Variants in DPP10 observed in about 807,000 individuals in gnomAD.
DPP10 encodes dipeptidyl peptidase like 10.
Under a neutral mutation model 120.9 loss-of-function variants are expected in DPP10, and 33 were observed. The observed-to-expected ratio is 0.27, with a 90% CI of 0.21 to 0.37. DPP10 has a LOEUF of 0.37. Among genes scored for constraint, DPP10 ranks in the 10% least tolerant of loss-of-function variants. The pLI is 1.00. For missense variants in DPP10, 816 were observed against 942.8 expected, an observed-to-expected ratio of 0.87 and a Z score of 1.76; for synonymous variants, 337 against 326.1, an observed-to-expected ratio of 1.03 and a Z score of -0.36.
intron 1 of DPP10, among the ~76,000 whole-genome samples, chr2:115,049,790 C>G (rs1705330411): frequency 6.6e-6 from 1 of 152,120 alleles, no homozygotes; most frequent in Non-Finnish European, 1.5e-5. Context: ...CTCATGGTTC[C>G]CTTTTCTGAC....
chr2:115,269,807 A>G (rs2105802394), intron 1 of DPP10, among the ~76,000 whole-genome samples: 1 of 152,260 alleles, frequency 6.6e-6, no homozygotes. Context: ...AAGGGCATAA[A>G]TACCAGAAAG....
chr2:114,966,139 T>C (rs1035887739), intron 1 of DPP10, among the ~76,000 whole-genome samples: 4 of 152,080 alleles, frequency 2.6e-5, no homozygotes, highest in Non-Finnish European at 5.9e-5. Flanking sequence ...TGTCAAATGC[T>C]TATGATTCAG....
At chr2:115,251,605 GAATT>G (rs1243681877) in intron 1 of DPP10, among the ~76,000 whole-genome samples, 2 of 152,086 alleles carry the variant, frequency 1.3e-5, no homozygotes, top group Non-Finnish European at 2.9e-5. Flanking sequence ...AAAAACGAAA[GAATT>G]ACTTATTAGG....
intron 1 of DPP10, among the ~76,000 whole-genome samples, chr2:114,453,874 G>A (rs1246892003): frequency 6.6e-6 from 1 of 152,106 alleles, no homozygotes; most frequent in East Asian, 1.9e-4. Context: ...AATGTTAGTT[G>A]GATATACAAT....
chr2:115,374,164 C>A (rs2065617421), intron 3 of DPP10, among the ~76,000 whole-genome samples: 1 of 152,104 alleles, frequency 6.6e-6, no homozygotes, highest in South Asian at 2.1e-4. Flanking sequence ...TCCAAACAAT[C>A]CCCCAGTGTC....
chr2:115,048,477 G>A (rs577003022), intron 1 of DPP10, among the ~76,000 whole-genome samples: 1 of 152,180 alleles, frequency 6.6e-6, no homozygotes, highest in African/African-American at 2.4e-5. Flanking sequence ...AGTAGCCAGA[G>A]TGATGTTTCT....
At chr2:114,542,851 G>T (rs1195043581) in intron 1 of DPP10, among the ~76,000 whole-genome samples, 1 of 152,112 alleles carries the variant, frequency 6.6e-6, no homozygotes, top group East Asian at 1.9e-4. Flanking sequence ...ATCAAGATTG[G>T]GATCTGCCTC....
At chr2:115,584,834 T>C (rs2082195496) in intron 5 of DPP10, among the ~76,000 whole-genome samples, 1 of 152,214 alleles carries the variant, frequency 6.6e-6, no homozygotes, top group South Asian at 2.1e-4. Context: ...TCATTTTGGG[T>C]TCCAGGTGGT....
chr2:115,713,121 C>T (rs189190369), intron 7 of DPP10, among the ~76,000 whole-genome samples: 1 of 151,196 alleles, frequency 6.6e-6, no homozygotes, highest in East Asian at 2.0e-4. Context: ...GAAGTAGAAA[C>T]GTTTTGATGT....
At chr2:114,798,046 C>T (rs937944583) in intron 1 of DPP10, among the ~76,000 whole-genome samples, 29 of 152,082 alleles carry the variant, frequency 1.9e-4, no homozygotes, top group African/African-American at 5.3e-4. Flanking sequence ...ATAAGAAAAA[C>T]GACAGACAAA....
intron 19 of DPP10, among the ~76,000 whole-genome samples, chr2:115,808,236 A>G (rs777586843): frequency 2.0e-4 from 30 of 152,260 alleles, no homozygotes; most frequent in Non-Finnish European, 1.2e-4. Flanking sequence ...TGTGACATAA[A>G]GACTACTAGA....
intron 1 of DPP10, among the ~76,000 whole-genome samples, chr2:114,996,602 A>G (rs990642079): frequency 6.6e-6 from 1 of 152,180 alleles, no homozygotes; most frequent in African/African-American, 2.4e-5. Context: ...TAATTTTAGC[A>G]TTTTGAATAC....
chr2:114,682,460 T>C (rs1400857135), intron 1 of DPP10, among the ~76,000 whole-genome samples: 3 of 151,954 alleles, frequency 2.0e-5, no homozygotes, highest in Non-Finnish European at 4.4e-5. Flanking sequence ...TTCCAGTGTA[T>C]ATTAGTCACT....
At chr2:115,593,849 G>T (rs2082829838) in intron 5 of DPP10, among the ~76,000 whole-genome samples, 1 of 152,220 alleles carries the variant, frequency 6.6e-6, no homozygotes, top group African/African-American at 2.4e-5. Context: ...AGGAATCATT[G>T]TTCATATAGG....
intron 1 of DPP10, among the ~76,000 whole-genome samples, chr2:114,751,592 A>T (rs1679228506): frequency 6.6e-6 from 1 of 152,218 alleles, no homozygotes; most frequent in Admixed American, 6.5e-5. Context: ...GTCCCTAGTG[A>T]TGGTCCAGGC....
intron 17 of DPP10, among the ~76,000 whole-genome samples, chr2:115,788,991 G>T (rs907835565): frequency 6.6e-6 from 1 of 151,978 alleles, no homozygotes; most frequent in Admixed American, 6.6e-5. Context: ...GGTGGCGGGC[G>T]CCTGTAGTCC....
chr2:115,814,314 T>A (rs7581687), intron 19 of DPP10, among the ~76,000 whole-genome samples: 2,774 of 152,276 alleles, frequency 0.018, 86 homozygotes, highest in African/African-American at 0.061. Flanking sequence ...TTTTTAAGTT[T>A]AACATTATGT....
chr2:115,661,875 A>G (rs2089005154), intron 5 of DPP10, among the ~76,000 whole-genome samples: 1 of 152,238 alleles, frequency 6.6e-6, no homozygotes, highest in South Asian at 2.1e-4. Flanking sequence ...TTTGTGTGAT[A>G]AGAATAGTTA....
chr2:114,829,573 C>T (rs927498402), intron 1 of DPP10, among the ~76,000 whole-genome samples: 6 of 146,636 alleles, frequency 4.1e-5, no homozygotes, highest in Non-Finnish European at 6.0e-5. Flanking sequence ...GATGGGTTTT[C>T]GCCATGTTGG....
Sources: gnomAD v4.1 joint callset for allele counts (sites outside exome capture counted in the v4.1 genomes callset) on GRCh38, gnomAD v4.1.1 for gene constraint, MANE v1.5 for transcripts, NCBI Gene and HGNC (gene_info 2026-07-23, HGNC 2026-07-21) for gene names.